PPP2R3B: variants seen among roughly 807,000 people sequenced by gnomAD.
The protein encoded by PPP2R3B is serine/threonine-protein phosphatase 2A regulatory subunit B'' subunit beta.
PPP2R3B carries 68 observed loss-of-function variants against 72.9 expected under a neutral mutation model. The ratio of observed to expected loss-of-function variants is 0.93; its 90% CI spans 0.77 to 1.14. PPP2R3B has a LOEUF of 1.14. Ranked by LOEUF, PPP2R3B falls within the 50% of genes most tolerant of loss-of-function variation. The pLI, the probability that PPP2R3B is intolerant of heterozygous loss-of-function variation, is 0.00. For missense variants in PPP2R3B, 1,018 were observed against 842.0 expected (o/e 1.21, Z -2.59); for synonymous variants, 466 against 375.8 (o/e 1.24, Z -2.78).
At chrX:372,916 G>T (rs1274686260) in intron 1 of PPP2R3B, among the ~76,000 whole-genome samples, 1 of 152,186 alleles carries the variant, frequency 6.6e-6, no homozygotes, top group African/African-American at 2.4e-5. Flanking sequence ...AAACAGAGAG[G>T]CTTCGTCTCA....
At chrX:383,927 C>A (rs1209247476) in intron 1 of PPP2R3B, among the ~76,000 whole-genome samples, 9 of 150,418 alleles carry the variant, frequency 6.0e-5, no homozygotes, top group South Asian at 2.1e-4. Context: ...TTTGGACACA[C>A]CTTATTATAC....
intron 1 of PPP2R3B, among the ~76,000 whole-genome samples, chrX:376,685 T>C (rs1293459960): frequency 2.7e-5 from 2 of 74,372 alleles, no homozygotes; most frequent in African/African-American, 1.2e-4. Context: ...CATGGGGCTG[T>C]CTATACACTA....
At chrX:385,569 G>C (rs1359311267) in intron 1 of PPP2R3B, among the ~76,000 whole-genome samples, 2 of 151,280 alleles carry the variant, frequency 1.3e-5, no homozygotes. Flanking sequence ...GGATTGCTTG[G>C]ACCCAGGAAT....
intron 1 of PPP2R3B, chrX:373,723 C>CGGGGCCGGCGGGGCGCTGCAGGCG (rs2071923234): frequency 6.8e-6 from 1 of 147,986 alleles, no homozygotes; most frequent in Non-Finnish European, 1.5e-5. Flanking sequence ...AGGGCCGGGC[C>CGGGGCCGGCGGGGCGCTGCAGGCG]GGGGCCGGCG....
intron 12 of PPP2R3B, chrX:338,337 G>C: frequency 3.4e-6 from 2 of 588,224 alleles, no homozygotes; most frequent in Non-Finnish European, 6.1e-6. Flanking sequence ...TGCTGGGCCT[G>C]ATGTGCGAAG....
intron 1 of PPP2R3B, among the ~76,000 whole-genome samples, chrX:374,353 C>G (rs1434944704): frequency 2.0e-5 from 3 of 152,228 alleles, no homozygotes; most frequent in African/African-American, 4.8e-5. Context: ...CCAGACATCC[C>G]GGCAGCCCGG....
chrX:341,529 CT>C (rs374881359), intron 8 of PPP2R3B, 133 bp from the exon 9 acceptor site: 352 of 817,804 alleles, frequency 4.3e-4, no homozygotes, highest in Admixed American at 6.1e-4. Context: ...CCTCCTGCCC[CT>C]CCTCCTGCCT....
chrX:350,486 C>A (rs765025355), intron 2 of PPP2R3B, among the ~76,000 whole-genome samples: 1 of 152,180 alleles, frequency 6.6e-6, no homozygotes, highest in Non-Finnish European at 1.5e-5. Flanking sequence ...GAGATTCTGA[C>A]GAGGGACTCA....
chrX:354,785 G>A (rs1277863775), intron 2 of PPP2R3B, among the ~76,000 whole-genome samples: 2 of 152,144 alleles, frequency 1.3e-5, no homozygotes, highest in Non-Finnish European at 2.9e-5. Context: ...CCAGGAGGTC[G>A]AGGCTGCAGT....
At chrX:351,125 G>T (rs767346677) in intron 2 of PPP2R3B, among the ~76,000 whole-genome samples, 2 of 152,152 alleles carry the variant, frequency 1.3e-5, no homozygotes, top group East Asian at 1.9e-4. Flanking sequence ...GAAGGCAGCC[G>T]TGTGCGGCTG....
Position 341,072 on chromosome X carries a change from C to CATCCCCT in PPP2R3B, c.1176-139_1176-133dup, listed in dbSNP as rs1450734004. ...TTGCAGCCCCCACCGGGCGTGCAGG[C>CATCCCCT]ATCCCCTGCCCCCTGCCGCCCCCAC... On this transcript the variant is annotated intron_variant, in intron 9 of 12. Coordinates refer to ENST00000390665, the MANE Select transcript of PPP2R3B (RefSeq NM_013239.5). 29 of 1,325,084 alleles carry CATCCCCT rather than the reference C, an allele frequency of 2.2e-5. No individual in the cohort carries two copies. In the South Asian group the frequency reaches 2.7e-4, roughly 12 times the overall value. 82.1% of individuals were successfully genotyped at this position (1,325,084 alleles called of 1,614,324 possible). A position where few individuals can be genotyped will look rare whatever the true frequency, so the allele number is the denominator to read the frequency against.
chrX:373,699 C>T, intron 1 of PPP2R3B: 1 of 162,312 alleles, frequency 6.2e-6, no homozygotes, highest in Non-Finnish European at 1.3e-5. Flanking sequence ...GGCCGGGCGC[C>T]GCGCTCTCGG....
At position 333,996 on chromosome X, in the gene PPP2R3B, CAGCCTGT is replaced by C. The variant is rs2070813800; in HGVS notation, c.*364_*370del. Reference sequence around the variant, plus strand: ...TGTACGTTTACACAAAACATTCACACAGCCTGTGGTGGAGGCTCCTGTCCAGGACTGA... The same window carrying C: ...TGTACGTTTACACAAAACATTCACACGGTGGAGGCTCCTGTCCAGGACTGA... On this transcript the variant is annotated 3_prime_UTR_variant, in exon 13 of 13. Transcript: ENST00000390665. 1 of 210,710 alleles carries C rather than the reference CAGCCTGT, an allele frequency of 4.7e-6. No individual in the cohort carries two copies. 13.1% of individuals were successfully genotyped at this position (210,710 alleles called of 1,614,324 possible). A position where few individuals can be genotyped will look rare whatever the true frequency, so the allele number is the denominator to read the frequency against.
chrX:371,766 T>TC (rs1256106329), intron 1 of PPP2R3B, among the ~76,000 whole-genome samples: 1 of 151,832 alleles, frequency 6.6e-6, no homozygotes, highest in Non-Finnish European at 1.5e-5. Flanking sequence ...GAGCCCACAC[T>TC]CATGCGCGGA....
intron 1 of PPP2R3B, among the ~76,000 whole-genome samples, chrX:367,391 T>C (rs933752760): frequency 1.3e-5 from 2 of 151,636 alleles, no homozygotes; most frequent in Non-Finnish European, 2.9e-5. Flanking sequence ...GAAAAGATAC[T>C]GATTAATATT....
At chrX:373,846 C>T (rs1000795820) in intron 1 of PPP2R3B, 3 of 152,208 alleles carry the variant, frequency 2.0e-5, no homozygotes, top group Non-Finnish European at 2.9e-5. Context: ...GCGCATGGCG[C>T]CGGGGGTGGG....
chrX:367,428 C>T (rs1446797664), intron 1 of PPP2R3B, among the ~76,000 whole-genome samples: 2 of 120,336 alleles, frequency 1.7e-5, no homozygotes, highest in African/African-American at 6.6e-5. Flanking sequence ...AGTCGACGTT[C>T]CTTTTTTTTT....
intron 2 of PPP2R3B, among the ~76,000 whole-genome samples, chrX:353,280 AG>A (rs1433914383): frequency 6.6e-6 from 1 of 152,112 alleles, no homozygotes; most frequent in African/African-American, 2.4e-5. Context: ...AGGCTGAGGC[AG>A]GAGAATGGCT....
At chrX:347,518 G>A (rs1196133473) in intron 3 of PPP2R3B, 72 bp downstream of exon 3, 36 of 1,487,338 alleles carry the variant, frequency 2.4e-5, no homozygotes, top group Non-Finnish European at 2.9e-5. Flanking sequence ...GGGGGCACCC[G>A]TCCTGGCACC....
Sources: allele counts gnomAD v4.1 joint callset (sites outside exome capture counted in the v4.1 genomes callset), GRCh38; gene constraint gnomAD v4.1.1; transcripts MANE v1.5; gene names NCBI Gene and HGNC (gene_info 2026-07-23, HGNC 2026-07-21).